Variants in BLTP3B observed in about 807,000 individuals in gnomAD.
BLTP3B encodes the protein UHRF1 (ICBP90) binding protein 1-like.
chr12:100,134,178 C>A, the BLTP3B span, among the ~76,000 whole-genome samples: 3 of 152,266 alleles, frequency 2.0e-5, no homozygotes, highest in East Asian at 5.8e-4. Context: ...ATTCAACTCA[C>A]AATTCGCTTC....
chr12:100,089,806 C>T, the BLTP3B span, among the ~76,000 whole-genome samples: 8 of 152,134 alleles, frequency 5.3e-5, no homozygotes, highest in Non-Finnish European at 1.0e-4. Flanking sequence ...CCTGTGTCCC[C>T]ACCCAAATCT....
chr12:100,061,324 T>C, the BLTP3B span, among the ~76,000 whole-genome samples: 1 of 152,084 alleles, frequency 6.6e-6, no homozygotes. Flanking sequence ...ATAGCAGATG[T>C]GGGACTGAAA....
the BLTP3B span, chr12:100,048,056 T>C: frequency 6.2e-7 from 1 of 1,613,144 alleles, no homozygotes; most frequent in East Asian, 2.2e-5. Context: ...AGAAACTCAG[T>C]GCTGAAGTTT....
At chr12:100,074,536 T>C in the BLTP3B span, among the ~76,000 whole-genome samples, 4 of 150,964 alleles carry the variant, frequency 2.6e-5, no homozygotes, top group African/African-American at 9.7e-5. Flanking sequence ...GAGACGGAGG[T>C]TGTAGTGAGC....
chr12:100,121,354 G>GAAAAAAA, the BLTP3B span, among the ~76,000 whole-genome samples: 1 of 97,134 alleles, frequency 1.0e-5, no homozygotes, highest in Non-Finnish European at 2.2e-5. Context: ...CCATCTCATG[G>GAAAAAAA]AAAAAAAAAA....
chr12:100,052,999 T>C, the BLTP3B span, among the ~76,000 whole-genome samples: 2 of 151,676 alleles, frequency 1.3e-5, no homozygotes, highest in Non-Finnish European at 2.9e-5. Flanking sequence ...TTCACCATGT[T>C]AGCCAGGATG....
At chr12:100,045,659 T>G in the BLTP3B span, among the ~76,000 whole-genome samples, 1 of 152,122 alleles carries the variant, frequency 6.6e-6, no homozygotes, top group Non-Finnish European at 1.5e-5. Context: ...ATTCAGAACA[T>G]AGGCATGGGC....
the BLTP3B span, among the ~76,000 whole-genome samples, chr12:100,099,711 C>T: frequency 1.3e-5 from 2 of 151,522 alleles, no homozygotes; most frequent in Admixed American, 6.6e-5. Context: ...GAAACCACTG[C>T]ACTCTAGCCT....
the BLTP3B span, among the ~76,000 whole-genome samples, chr12:100,098,931 T>C: frequency 2.0e-5 from 3 of 151,478 alleles, no homozygotes; most frequent in Non-Finnish European, 4.4e-5. Flanking sequence ...GATAGATAGA[T>C]AGACAGACAG....
chr12:100,104,884 C>CAAAAA, the BLTP3B span, among the ~76,000 whole-genome samples: 28 of 66,020 alleles, frequency 4.2e-4, no homozygotes, highest in East Asian at 7.1e-4. Flanking sequence ...ACTGCTACTA[C>CAAAAA]AAAAAAAAAA....
the BLTP3B span, among the ~76,000 whole-genome samples, chr12:100,039,021 C>T: frequency 0.073 from 11,117 of 152,158 alleles, 439 homozygotes; most frequent in South Asian, 0.091. Flanking sequence ...TCAATAGTCA[C>T]GGATCATCTA....
the BLTP3B span, among the ~76,000 whole-genome samples, chr12:100,111,959 A>G: frequency 6.6e-6 from 1 of 151,556 alleles, no homozygotes; most frequent in Admixed American, 6.6e-5. Context: ...TCAGGCTGAT[A>G]TCGAATCCCT....
At chr12:100,108,592 T>C in the BLTP3B span, 2 of 1,518,864 alleles carry the variant, frequency 1.3e-6, no homozygotes, top group Non-Finnish European at 1.8e-6. Context: ...TGTCAGTTAC[T>C]ATACTCCAGA....
the BLTP3B span, among the ~76,000 whole-genome samples, chr12:100,137,713 G>A: frequency 6.6e-6 from 1 of 152,124 alleles, no homozygotes; most frequent in African/African-American, 2.4e-5. Flanking sequence ...AAATAAGACT[G>A]CTTTAATGAG....
chr12:100,092,384 G>A, the BLTP3B span, among the ~76,000 whole-genome samples: 1 of 152,102 alleles, frequency 6.6e-6, no homozygotes, highest in Admixed American at 6.5e-5. Flanking sequence ...AAAATATTAT[G>A]GAGCAACAAA....
the BLTP3B span, among the ~76,000 whole-genome samples, chr12:100,099,242 C>T: frequency 1.3e-4 from 20 of 151,804 alleles, 1 homozygote; most frequent in Non-Finnish European, 2.2e-4. Context: ...GATCTGCCCA[C>T]CTTGGCCTCC....
At chr12:100,055,148 A>T in the BLTP3B span, among the ~76,000 whole-genome samples, 1 of 152,092 alleles carries the variant, frequency 6.6e-6, no homozygotes, top group Non-Finnish European at 1.5e-5. Flanking sequence ...TTTTTTAAGA[A>T]GACGTGTTTG....
the BLTP3B span, among the ~76,000 whole-genome samples, chr12:100,042,161 T>A: frequency 6.6e-6 from 1 of 152,204 alleles, no homozygotes; most frequent in East Asian, 1.9e-4. Context: ...GAAGATTTAA[T>A]GGAAATACTC....
At chr12:100,061,932 A>C in the BLTP3B span, among the ~76,000 whole-genome samples, 1 of 152,224 alleles carries the variant, frequency 6.6e-6, no homozygotes, top group African/African-American at 2.4e-5. Flanking sequence ...TGTAGCTCAG[A>C]ATGTATTTGG....
Sources: gnomAD v4.1 joint callset for allele counts (sites outside exome capture counted in the v4.1 genomes callset) on GRCh38, gnomAD v4.1.1 for gene constraint, MANE v1.5 for transcripts, NCBI Gene and HGNC (gene_info 2026-07-23, HGNC 2026-07-21) for gene names.